The following SMARCAD1 variants were observed in gnomAD, a reference collection of about 807,000 sequenced individuals.
SMARCAD1 encodes SWI/SNF-related matrix-associated actin-dependent regulator of chromatin subfamily A containing DEAD/H box 1.
A neutral mutation model predicts 127.1 loss-of-function variants in SMARCAD1; 25 were observed. That is an observed-to-expected ratio of 0.20 (90% CI 0.14 to 0.27). SMARCAD1 has a LOEUF of 0.27. SMARCAD1 is among the 10% of genes least tolerant of loss of function. SMARCAD1 has a pLI of 1.00. For missense variants in SMARCAD1, 807 were observed against 1,206.0 expected, an observed-to-expected ratio of 0.67 and a Z score of 4.90; for synonymous variants, 400 against 396.9, an observed-to-expected ratio of 1.01 and a Z score of -0.09.
At chr4:94,207,743 C>G (rs1741411646), upstream of SMARCAD1, 1 of 207,664 alleles carries the variant, frequency 4.8e-6, no homozygotes, top group Non-Finnish European at 1.0e-5. Flanking sequence ...ATCGTAAGTA[C>G]TGAGGGAAGA....
At chr4:94,214,537 A>T (rs1269942025) in intron 2 of SMARCAD1, among the ~76,000 whole-genome samples, 2 of 151,902 alleles carry the variant, frequency 1.3e-5, no homozygotes, top group African/African-American at 4.8e-5. Context: ...AAGTGCTGGG[A>T]TTACAGGCAT....
chr4:94,268,356 C>T (rs1249644011), intron 10 of SMARCAD1, among the ~76,000 whole-genome samples: 1 of 151,944 alleles, frequency 6.6e-6, no homozygotes, highest in Non-Finnish European at 1.5e-5. Context: ...TGAAGAATTT[C>T]AGTAATTTTT....
At chr4:94,247,272 T>C (rs959651344) in intron 6 of SMARCAD1, among the ~76,000 whole-genome samples, 1 of 152,058 alleles carries the variant, frequency 6.6e-6, no homozygotes, top group Non-Finnish European at 1.5e-5. Context: ...GATGGAAAAA[T>C]AAGCACTGGG....
intron 4 of SMARCAD1, among the ~76,000 whole-genome samples, chr4:94,235,197 G>GTCCCTC (rs1431718135): frequency 8.6e-6 from 1 of 115,696 alleles, no homozygotes; most frequent in African/African-American, 3.4e-5. Context: ...CTCCAGTTTT[G>GTCCCTC]TCCCTCTCCC....
intron 6 of SMARCAD1, among the ~76,000 whole-genome samples, chr4:94,244,516 G>T (rs140479429): frequency 6.6e-6 from 1 of 152,302 alleles, no homozygotes; most frequent in Non-Finnish European, 1.5e-5. Context: ...ACATGTTCTA[G>T]GATTTAAGGC....
chr4:94,248,572 C>A, intron 6 of SMARCAD1: 1 of 455,746 alleles, frequency 2.2e-6, no homozygotes, highest in Non-Finnish European at 4.4e-6. Flanking sequence ...TATTATTCCC[C>A]TGCTCAAAAT....
At chr4:94,230,751 A>G (rs543055976) in intron 3 of SMARCAD1, among the ~76,000 whole-genome samples, 4 of 152,194 alleles carry the variant, frequency 2.6e-5, no homozygotes, top group African/African-American at 9.6e-5. Flanking sequence ...AGTAGATAAA[A>G]TCTCCTAGGA....
chr4:94,222,924 A>C (rs1470640571), intron 2 of SMARCAD1, among the ~76,000 whole-genome samples: 1 of 152,136 alleles, frequency 6.6e-6, no homozygotes, highest in Non-Finnish European at 1.5e-5. Flanking sequence ...AGATTGTGCC[A>C]CTGCACTCCA....
At chr4:94,253,107 G>T (rs1749526816) in intron 9 of SMARCAD1, 100 bp downstream of exon 9, 1 of 1,579,606 alleles carries the variant, frequency 6.3e-7, no homozygotes, top group Non-Finnish European at 8.6e-7. Flanking sequence ...AGCATAGATG[G>T]GTGGCCTTAT....
intron 9 of SMARCAD1, among the ~76,000 whole-genome samples, chr4:94,262,491 T>C (rs943654319): frequency 6.6e-6 from 1 of 152,234 alleles, no homozygotes; most frequent in Non-Finnish European, 1.5e-5. Context: ...CTTCTTCACA[T>C]TACTCTCATA....
chr4:94,209,408 G>A (rs1741825750), intron 2 of SMARCAD1, among the ~76,000 whole-genome samples: 1 of 152,120 alleles, frequency 6.6e-6, no homozygotes, highest in African/African-American at 2.4e-5. Context: ...TGATTCCTGA[G>A]CATAAACTAA....
intron 9 of SMARCAD1, among the ~76,000 whole-genome samples, chr4:94,262,225 T>C (rs1027729113): frequency 1.3e-5 from 2 of 152,198 alleles, no homozygotes; most frequent in Admixed American, 6.5e-5. Flanking sequence ...ATTTGGTAGC[T>C]GCCCCAAATT....
At chr4:94,241,724 T>C (rs528055833) in intron 6 of SMARCAD1, among the ~76,000 whole-genome samples, 3 of 152,298 alleles carry the variant, frequency 2.0e-5, no homozygotes, top group African/African-American at 7.2e-5. Context: ...GGTGCTATAA[T>C]GGGAACTCGT....
At chr4:94,280,375 T>C (rs897223179) in intron 19 of SMARCAD1, among the ~76,000 whole-genome samples, 1 of 152,186 alleles carries the variant, frequency 6.6e-6, no homozygotes, top group African/African-American at 2.4e-5. Context: ...TTATTTCATC[T>C]GTAAATATTT....
chr4:94,252,213 T>C (rs1462576841), intron 8 of SMARCAD1, among the ~76,000 whole-genome samples: 1 of 152,224 alleles, frequency 6.6e-6, no homozygotes, highest in Non-Finnish European at 1.5e-5. Flanking sequence ...TGGAAAATTA[T>C]GGATAGTTGA....
intron 5 of SMARCAD1, among the ~76,000 whole-genome samples, chr4:94,237,856 TTC>T (rs1310814564): frequency 6.6e-6 from 1 of 152,090 alleles, no homozygotes; most frequent in African/African-American, 2.4e-5. Context: ...GAACAAAAAT[TTC>T]TGTTATTTAT....
chr4:94,259,201 G>A (rs137953831), intron 9 of SMARCAD1, among the ~76,000 whole-genome samples: 7 of 152,320 alleles, frequency 4.6e-5, no homozygotes, highest in African/African-American at 1.4e-4. Flanking sequence ...GGTGGATGTT[G>A]AGGTTATTGA....
intron 2 of SMARCAD1, among the ~76,000 whole-genome samples, chr4:94,217,528 C>G (rs910001310): frequency 1.3e-5 from 2 of 152,104 alleles, no homozygotes; most frequent in African/African-American, 2.4e-5. Context: ...AAATTTCCAA[C>G]TGGCAGAAAT....
In SMARCAD1 at chr4:94,243,954, G is replaced by T. The variant is rs1748008513; in HGVS notation, c.705+2948G>T. 2.0e-5 allele frequency among the ~76,000 whole-genome samples: 3 copies of T among 152,104 alleles called. No individual in the cohort carries two copies. The South Asian group carries it at 6.2e-4, about 32-fold the overall frequency. On this transcript the variant is annotated intron_variant, in intron 6 of 23. Coordinates refer to ENST00000354268, the MANE Select transcript of SMARCAD1 (RefSeq NM_020159.5). ...GAAGCTTGAAACAAGAAAACATTTG[G>T]AAAGATAAAAACATAACGATACATC...
Sources: gnomAD v4.1 joint callset for allele counts (sites outside exome capture counted in the v4.1 genomes callset) on GRCh38, gnomAD v4.1.1 for gene constraint, MANE v1.5 for transcripts, NCBI Gene and HGNC (gene_info 2026-07-23, HGNC 2026-07-21) for gene names.